PIEZO2: variants seen among roughly 807,000 people sequenced by gnomAD.
The protein encoded by PIEZO2 is piezo-type mechanosensitive ion channel component 2.
PIEZO2 carries 172 observed loss-of-function variants against 337.3 expected under a neutral mutation model. The observed-to-expected ratio is 0.51, with a 90% CI of 0.45 to 0.58. PIEZO2 has a LOEUF of 0.58. Ranked by LOEUF, PIEZO2 falls within the 20% of genes least tolerant of loss-of-function variation. The probability of loss-of-function intolerance (pLI) is 0.00; values close to 1 mark genes in which losing one functional copy is unlikely to be tolerated. For missense variants in PIEZO2, 3,028 were observed against 3,391.3 expected (o/e 0.89, Z 2.66); for synonymous variants, 1,251 against 1,228.5 (o/e 1.02, Z -0.38).
chr18:11,018,588 G>A (rs1206419582), intron 2 of PIEZO2, among the ~76,000 whole-genome samples: 2 of 152,130 alleles, frequency 1.3e-5, no homozygotes, highest in East Asian at 3.9e-4. Flanking sequence ...CCACTGAACG[G>A]TGGGTGACAC....
At chr18:11,046,894 G>C (rs964961609) in intron 2 of PIEZO2, among the ~76,000 whole-genome samples, 30 of 152,336 alleles carry the variant, frequency 2.0e-4, no homozygotes, top group African/African-American at 7.2e-4. Flanking sequence ...TCTGTGGGGA[G>C]CCAGGGCTCA....
intron 52 of PIEZO2, among the ~76,000 whole-genome samples, chr18:10,679,082 G>A (rs1229415404): frequency 2.0e-5 from 3 of 151,920 alleles, no homozygotes; most frequent in South Asian, 4.2e-4. Context: ...ACAGGCATGC[G>A]CTACTACCTC....
At chr18:10,740,410 A>G (rs1311710884) in intron 33 of PIEZO2, 1 of 152,668 alleles carries the variant, frequency 6.6e-6, no homozygotes, top group Non-Finnish European at 1.5e-5. Context: ...GGGCATTGGA[A>G]TTTAGAGTGC....
chr18:10,702,508 TTAAA>T (rs1487894567), intron 42 of PIEZO2, among the ~76,000 whole-genome samples: 1 of 152,238 alleles, frequency 6.6e-6, no homozygotes. Context: ...TACGCAGCTA[TTAAA>T]TATATTATTT....
intron 43 of PIEZO2, among the ~76,000 whole-genome samples, chr18:10,701,541 C>T (rs1291157769): frequency 3.9e-5 from 6 of 152,226 alleles, no homozygotes; most frequent in Admixed American, 2.6e-4. Flanking sequence ...AGCAGTACTA[C>T]TAGAAGAAGG....
chr18:10,858,002 TTTC>T (rs200269138), intron 5 of PIEZO2, among the ~76,000 whole-genome samples: 1,665 of 131,380 alleles, frequency 0.013, 29 homozygotes, highest in African/African-American at 0.045. Flanking sequence ...TCTTTCTTTC[TTTC>T]TTTTTTTTTT....
chr18:10,797,576 T>C, intron 11 of PIEZO2, 54 bp from the exon 12 acceptor site: 1 of 1,528,716 alleles, frequency 6.5e-7, no homozygotes, highest in Non-Finnish European at 8.7e-7. Context: ...GACATTTGTA[T>C]AAATGTTCCA....
chr18:10,886,378 G>GTATATATA (rs1214519492), intron 4 of PIEZO2, among the ~76,000 whole-genome samples: 12 of 3,180 alleles, frequency 3.8e-3, no homozygotes, highest in Non-Finnish European at 4.3e-3. Flanking sequence ...ATGTGTGTGT[G>GTATATATA]TGTATATATA....
chr18:10,832,553 C>T (rs757468193), intron 7 of PIEZO2, among the ~76,000 whole-genome samples: 1 of 152,124 alleles, frequency 6.6e-6, no homozygotes, highest in African/African-American at 2.4e-5. Flanking sequence ...TGATAGAGAC[C>T]CAATTGGCCC....
intron 5 of PIEZO2, among the ~76,000 whole-genome samples, chr18:10,866,855 A>C (rs776145820): frequency 2.0e-5 from 3 of 152,342 alleles, no homozygotes; most frequent in Middle Eastern, 3.4e-3. Flanking sequence ...ATGGCATCTA[A>C]AACTACTAGG....
chr18:10,956,212 A>C (rs2033512896), intron 3 of PIEZO2, among the ~76,000 whole-genome samples: 1 of 152,246 alleles, frequency 6.6e-6, no homozygotes, highest in South Asian at 2.1e-4. Context: ...TTACAAAATC[A>C]ACATACAAAA....
intron 1 of PIEZO2, among the ~76,000 whole-genome samples, chr18:11,095,244 GA>G (rs2039229537): frequency 6.6e-6 from 1 of 152,212 alleles, no homozygotes; most frequent in Non-Finnish European, 1.5e-5. Flanking sequence ...ACTTGGACTT[GA>G]AGTCTAGACA....
At chr18:10,827,939 A>G (rs980369677) in intron 7 of PIEZO2, among the ~76,000 whole-genome samples, 12 of 152,176 alleles carry the variant, frequency 7.9e-5, no homozygotes, top group African/African-American at 2.4e-4. Context: ...TTTATGGTAA[A>G]AATCTGTCCT....
chr18:11,044,172 T>C lies in PIEZO2; in HGVS notation c.160+21955A>G, dbSNP rs78387110. Among the ~76,000 whole-genome samples, 658 of 128,488 alleles carry C rather than the reference T, an allele frequency of 5.1e-3. 3 individuals carry two copies. Among genetic ancestry groups the C allele is most frequent in the Middle Eastern group, 9.5e-3 (2 of 210 alleles). The allele number at this position is 128,488 out of a possible 152,430, so 84.3% of individuals were successfully genotyped here. A position where few individuals can be genotyped will look rare whatever the true frequency, so the allele number is the denominator to read the frequency against. ...TATACTAATATACTATATATATATA[T>C]ACACACACACACTAATATAATATAT... On this transcript the variant is annotated intron_variant, in intron 2 of 55. Transcript: ENST00000674853.
intron 52 of PIEZO2, among the ~76,000 whole-genome samples, chr18:10,679,952 C>T (rs549256744): frequency 6.6e-6 from 1 of 152,160 alleles, no homozygotes; most frequent in African/African-American, 2.4e-5. Flanking sequence ...CTAAAGTTAG[C>T]TAAAAACTAC....
At chr18:10,991,906 T>TAGC (rs2035120676) in intron 2 of PIEZO2, among the ~76,000 whole-genome samples, 1 of 152,242 alleles carries the variant, frequency 6.6e-6, no homozygotes, top group East Asian at 1.9e-4. Flanking sequence ...TTCCTGACTT[T>TAGC]TTAATGATAG....
chr18:11,109,718 A>C lies in PIEZO2; in HGVS notation c.64+38807T>G, dbSNP rs2039673724. Among the ~76,000 whole-genome samples, 1 of 142,592 alleles carries C rather than the reference A, an allele frequency of 7.0e-6. No individual in the cohort carries two copies. The highest frequency in any genetic ancestry group is 1.6e-5 in the Non-Finnish European group (1 of 62,564). The allele number at this position is 142,592 out of a possible 152,430, so 93.5% of individuals were successfully genotyped here. A position where few individuals can be genotyped will look rare whatever the true frequency, so the allele number is the denominator to read the frequency against. ...GGAAGACAGAGTGAGACTCCATCTC[A>C]AAAAAAAAAGGTACTAGAAACAGAA... On this transcript the variant is annotated intron_variant, in intron 1 of 55. Transcript: ENST00000674853. The surrounding 1 kb of genome is among the most constrained non-coding windows in gnomAD (Gnocchi z 5.1).
chr18:10,829,500 A>C (rs2040778416), intron 7 of PIEZO2, among the ~76,000 whole-genome samples: 1 of 152,196 alleles, frequency 6.6e-6, no homozygotes, highest in Non-Finnish European at 1.5e-5. Context: ...TGGAAAGGAA[A>C]AAGTCATAAT....
chr18:10,847,453 T>C lies in PIEZO2; in HGVS notation c.917+7900A>G, dbSNP rs2041401822. Among the ~76,000 whole-genome samples, 2 of 152,094 alleles carry C rather than the reference T, an allele frequency of 1.3e-5. No individual in the cohort carries two copies. The highest frequency in any genetic ancestry group is 2.9e-5 in the Non-Finnish European group (2 of 68,010). The stretch of plus-strand genomic sequence containing the variant: ...GAGTCTGGAAGGTGCAGTGGGGAAG[T>C]CTTAGGTCACTGGGCTGGATAAACA... On this transcript the variant is annotated intron_variant, in intron 7 of 55. Transcript: ENST00000674853. This position sits in a 1 kb window ranked among gnomAD's most constrained non-coding sequence, Gnocchi z 5.7.
Sources: gnomAD v4.1 joint callset for allele counts (sites outside exome capture counted in the v4.1 genomes callset) on GRCh38, gnomAD v4.1.1 for gene constraint, Gnocchi (gnomAD v3.1) non-coding constraint, MANE v1.5 for transcripts, NCBI Gene and HGNC (gene_info 2026-07-23, HGNC 2026-07-21) for gene names.